SRL: variants seen among roughly 807,000 people sequenced by gnomAD.
SRL encodes the protein sarcalumenin.
A neutral mutation model predicts 39.5 loss-of-function variants in SRL; 23 were observed. The observed-to-expected ratio is 0.58, with a 90% confidence interval of 0.42 to 0.82. The LOEUF (loss-of-function observed/expected upper bound fraction) is 0.82, where lower values mean the gene tolerates loss of function less well. Among genes scored for constraint, SRL ranks in the 40% least tolerant of loss-of-function variants. The pLI, the probability that SRL is intolerant of heterozygous loss-of-function variation, is 0.00. For missense variants in SRL, 592 were observed against 607.8 expected (o/e 0.97, Z 0.27); for synonymous variants, 272 against 237.4 (o/e 1.15, Z -1.34).
Position 4,190,215 on chromosome 16 carries a change from G to T in SRL, c.*1938C>A. On this transcript the variant is annotated 3_prime_UTR_variant, in exon 6 of 6. Coordinates refer to ENST00000399609, the MANE Select transcript of SRL (RefSeq NM_001098814.2). ...CAGAGTGATAACAATTCTGAGAACC[G>T]GGAATTCCTAACTCGAGGTTCTCCT... is the stretch of plus-strand genomic sequence containing the variant. 2.5e-6 allele frequency: 1 copy of T among 398,526 alleles called. No homozygotes were observed. The highest frequency in any genetic ancestry group is 1.3e-4 in the South Asian group (1 of 7,712). 24.7% of individuals were successfully genotyped at this position (398,526 alleles called of 1,614,324 possible).
chr16:4,229,829 G>A lies in SRL; in HGVS notation c.61+12178C>T, dbSNP rs528224715. ...CCTCTGAGGAGCTTCTGCAGATGAG[G>A]AGGTGCTTCCACATCCTGCACCATC... is the stretch of plus-strand genomic sequence containing the variant. On this transcript the variant is annotated intron_variant, in intron 1 of 5. Transcript: ENST00000399609. Among the ~76,000 whole-genome samples the A allele has an allele frequency of 2.0e-4, 30 of 152,212 alleles. No individual in the cohort carries two copies. The East Asian group carries it at 3.9e-3, about 20-fold the overall frequency.
At chr16:4,235,640 G>A (rs1307278816) in intron 1 of SRL, among the ~76,000 whole-genome samples, 1 of 152,202 alleles carries the variant, frequency 6.6e-6, no homozygotes. Context: ...AGTTGAGGCT[G>A]CAGTGAGCTA....
intron 1 of SRL, among the ~76,000 whole-genome samples, chr16:4,233,913 G>A (rs1164344615): frequency 1.3e-5 from 2 of 151,984 alleles, no homozygotes; most frequent in African/African-American, 4.8e-5. Flanking sequence ...CCTTTAGGGA[G>A]CATCTCTCAT....
In SRL at chr16:4,192,096, C is replaced by T. The variant is rs1281385493; in HGVS notation, c.*57G>A. 3 of 1,500,116 alleles carry T rather than the reference C, an allele frequency of 2.0e-6. No individual in the cohort carries two copies. The African/African-American group carries it at 4.2e-5, about 21-fold the overall frequency. The allele number at this position is 1,500,116 out of a possible 1,614,324, so 92.9% of individuals were successfully genotyped here. A position where few individuals can be genotyped will look rare whatever the true frequency, so the allele number is the denominator to read the frequency against. On this transcript the variant is annotated 3_prime_UTR_variant, in exon 6 of 6. Coordinates refer to ENST00000399609, the MANE Select transcript of SRL (RefSeq NM_001098814.2). The surrounding 1 kb of genome is among the most constrained non-coding windows in gnomAD (Gnocchi z 4.0). ...AAAGGGTTAATAAACCAGGACCTCT[C>T]AGACAGTTAGGACACAAGCTGATTC...
chr16:4,228,460 A>G (rs924194705), intron 1 of SRL, among the ~76,000 whole-genome samples: 91 of 151,360 alleles, frequency 6.0e-4, no homozygotes, highest in Admixed American at 1.4e-3. Context: ...AAAAGGCTGG[A>G]CGCAGTGGCT....
intron 1 of SRL, among the ~76,000 whole-genome samples, chr16:4,231,317 A>G (rs1303369469): frequency 6.6e-6 from 1 of 151,600 alleles, no homozygotes; most frequent in Non-Finnish European, 1.5e-5. Flanking sequence ...CCCTGTCTCA[A>G]AAAAAACAAT....
intron 2 of SRL, 42 bp downstream of exon 2, chr16:4,204,491 C>G (rs749330923): frequency 6.5e-7 from 1 of 1,541,324 alleles, no homozygotes; most frequent in Non-Finnish European, 8.8e-7. Flanking sequence ...CCCTGGTGGC[C>G]GGGCTCTCCC....
chr16:4,229,311 G>A (rs1344459406), intron 1 of SRL, among the ~76,000 whole-genome samples: 2 of 152,106 alleles, frequency 1.3e-5, no homozygotes, highest in African/African-American at 2.4e-5. Flanking sequence ...AAGCGTGGTG[G>A]TGGGGACCTG....
chr16:4,231,754 T>C (rs1316592151), intron 1 of SRL, among the ~76,000 whole-genome samples: 1 of 152,156 alleles, frequency 6.6e-6, no homozygotes, highest in Non-Finnish European at 1.5e-5. Flanking sequence ...CCCTGGTTGG[T>C]CAAGTTTCAT....
intron 3 of SRL, among the ~76,000 whole-genome samples, chr16:4,202,672 A>T (rs1275843523): frequency 6.6e-6 from 1 of 152,112 alleles, no homozygotes; most frequent in African/African-American, 2.4e-5. Context: ...AATTTTTGCA[A>T]CAAGTGTGTC....
rs143238506 is a variant in SRL, at chr16:4,221,049, C to T, written c.62-16415G>A. ...CATCGCCTGGGACCATGGGCTATTC[C>T]ATTATTTTTTTTTTTTCGATACGGA... On this transcript the variant is annotated intron_variant, in intron 1 of 5. Coordinates refer to ENST00000399609, the MANE Select transcript of SRL (RefSeq NM_001098814.2). 3.4e-3 allele frequency among the ~76,000 whole-genome samples: 486 copies of T among 142,516 alleles called. 2 individuals are homozygous for T. The highest frequency in any genetic ancestry group is 0.011 in the African/African-American group (445 of 39,696). 93.5% of individuals were successfully genotyped at this position (142,516 alleles called of 152,430 possible). A position where few individuals can be genotyped will look rare whatever the true frequency, so the allele number is the denominator to read the frequency against.
chr16:4,194,515 C>T (rs559025367), intron 5 of SRL, among the ~76,000 whole-genome samples: 1 of 152,272 alleles, frequency 6.6e-6, no homozygotes, highest in African/African-American at 2.4e-5. Flanking sequence ...AGTTGAAGGT[C>T]AGGTTCAACC....
intron 1 of SRL, among the ~76,000 whole-genome samples, chr16:4,236,330 G>A (rs1180173583): frequency 2.6e-5 from 4 of 152,144 alleles, no homozygotes; most frequent in African/African-American, 9.6e-5. Flanking sequence ...CTGGCCACTC[G>A]CCCTTCTTCT....
chr16:4,195,453 C>G lies in SRL; in HGVS notation c.610+100G>C, dbSNP rs1156878395. On this transcript the variant is annotated intron_variant, in intron 5 of 5. Transcript: ENST00000399609. ...CCTCAAGGGATCCTCCTGTCTTGGT[C>G]TCCCAAAGAGTTGGGATCACAGGCA... 1.3e-5 allele frequency: 16 copies of G among 1,186,660 alleles called. 1 individual carries two copies. In the Admixed American group the frequency reaches 3.1e-4, roughly 23 times the overall value. 73.5% of individuals were successfully genotyped at this position (1,186,660 alleles called of 1,614,324 possible). A position where few individuals can be genotyped will look rare whatever the true frequency, so the allele number is the denominator to read the frequency against.
chr16:4,201,085 A>G (rs1049649796), intron 3 of SRL, among the ~76,000 whole-genome samples: 3 of 151,870 alleles, frequency 2.0e-5, no homozygotes, highest in African/African-American at 7.3e-5. Context: ...ATATGGCAAC[A>G]ACTAGCAAAA....
At chr16:4,213,149 T>C (rs760490284) in intron 1 of SRL, among the ~76,000 whole-genome samples, 29 of 152,118 alleles carry the variant, frequency 1.9e-4, no homozygotes, top group African/African-American at 6.0e-4. Flanking sequence ...TAGGGTTCCA[T>C]AGAAGTGACT....
chr16:4,223,117 A>G (rs944603586), intron 1 of SRL, among the ~76,000 whole-genome samples: 2 of 151,654 alleles, frequency 1.3e-5, no homozygotes, highest in Admixed American at 6.6e-5. Context: ...CTGTAGTCCC[A>G]GCTACTCGGG....
intron 4 of SRL, among the ~76,000 whole-genome samples, chr16:4,197,502 A>G (rs925838908): frequency 3.5e-5 from 5 of 144,844 alleles, no homozygotes; most frequent in African/African-American, 7.8e-5. Flanking sequence ...GCTCACTACA[A>G]TCTCTGCCTT....
At chr16:4,203,632 C>T (rs1597273018) in intron 2 of SRL, among the ~76,000 whole-genome samples, 2 of 152,242 alleles carry the variant, frequency 1.3e-5, no homozygotes, top group African/African-American at 4.8e-5. Flanking sequence ...AGTGATCCAC[C>T]CACCTCAGCC....
Sources: gnomAD v4.1 joint callset for allele counts (sites outside exome capture counted in the v4.1 genomes callset) on GRCh38, gnomAD v4.1.1 for gene constraint, Gnocchi (gnomAD v3.1) non-coding constraint, MANE v1.5 for transcripts, NCBI Gene and HGNC (gene_info 2026-07-23, HGNC 2026-07-21) for gene names.